The following COMMD9 variants were observed in gnomAD, a reference collection of about 807,000 sequenced individuals.
COMMD9 encodes the protein COMM domain-containing protein 9.
In COMMD9, 22 loss-of-function variants were observed where a neutral mutation model predicts 23.4. The ratio of observed to expected loss-of-function variants is 0.94; its 90% CI spans 0.67 to 1.34. The LOEUF (loss-of-function observed/expected upper bound fraction) is 1.34, where lower values mean the gene tolerates loss of function less well. Ranked by LOEUF, COMMD9 falls within the 40% of genes most tolerant of loss-of-function variation. COMMD9 has a pLI of 0.00. For synonymous variants in COMMD9, 99 were observed against 97.4 expected (o/e 1.02, Z -0.10); for missense variants, 231 against 240.2 (o/e 0.96, Z 0.25).
At chr11:36,274,826 T>C in intron 5 of COMMD9, 54 bp from the exon 6 acceptor site, 1 of 1,604,868 alleles carries the variant, frequency 6.2e-7, no homozygotes, top group Non-Finnish European at 8.5e-7. Context: ...CCCATATCCC[T>C]GTAAGTGAGC....
At chr11:36,276,002 C>A (rs1001667241) in intron 5 of COMMD9, 135 bp downstream of exon 5, 1 of 638,792 alleles carries the variant, frequency 1.6e-6, no homozygotes, top group Admixed American at 2.6e-5. Flanking sequence ...CACGTTGTAA[C>A]TAAACAAAGG....
At chr11:36,274,910 C>G (rs1251444783) in intron 5 of COMMD9, 138 bp from the exon 6 acceptor site, 7 of 1,033,320 alleles carry the variant, frequency 6.8e-6, no homozygotes, top group Non-Finnish European at 9.8e-6. Context: ...CTAGAGAGTA[C>G]CAGCCCTTGG....
intron 1 of COMMD9, among the ~76,000 whole-genome samples, chr11:36,288,865 A>G (rs1221169616): frequency 3.3e-5 from 5 of 152,142 alleles, no homozygotes. Context: ...TCAACCTCAC[A>G]ACTTTTCAAA....
Position 36,274,229 on chromosome 11 carries a change from G to T in COMMD9, c.*403C>A. On this transcript the variant is annotated 3_prime_UTR_variant, in exon 6 of 6. Coordinates refer to ENST00000263401, the MANE Select transcript of COMMD9 (RefSeq NM_014186.4). ...GTCCGATTCCCTCCATGTGTTCTGG[G>T]ATTGGAAATGAACTAATTAGAGCTA... 2.2e-6 allele frequency: 1 copy of T among 459,402 alleles called. No homozygotes were observed. The highest frequency in any genetic ancestry group is 1.5e-5 in the South Asian group (1 of 64,584). 28.5% of individuals were successfully genotyped at this position (459,402 alleles called of 1,614,324 possible).
At chr11:36,286,410 A>AAAAAAAAAAAAAAAAAG (rs1285648187) in intron 1 of COMMD9, among the ~76,000 whole-genome samples, 4 of 104,818 alleles carry the variant, frequency 3.8e-5, no homozygotes, top group Non-Finnish European at 7.3e-5. Context: ...AAAAAAAAAA[A>AAAAAAAAAAAAAAAAAG]AAAGAAAGAA....
intron 2 of COMMD9, among the ~76,000 whole-genome samples, chr11:36,280,420 C>T (rs1270179430): frequency 6.6e-6 from 1 of 152,140 alleles, no homozygotes; most frequent in Non-Finnish European, 1.5e-5. Flanking sequence ...AAAAGTCTGC[C>T]CTAAGCTATC....
At position 36,287,065 on chromosome 11, in the gene COMMD9, T is replaced by C. The variant is rs549487168; in HGVS notation, c.51+2297A>G. Among the ~76,000 whole-genome samples, 16 of 150,802 alleles carry C rather than the reference T, an allele frequency of 1.1e-4. 1 individual carries two copies. The highest frequency in any genetic ancestry group is 3.6e-4 in the African/African-American group (15 of 41,124). On this transcript the variant is annotated intron_variant, in intron 1 of 5. Transcript: ENST00000263401. ...TGCTATATATGTATACTACATACTA[T>C]GTATATCGCGTAGTATGTATACTAC... is the stretch of plus-strand genomic sequence containing the variant.
rs1855932540 is a variant in COMMD9 at position 36,274,356 on chromosome 11, C to T, written c.*276G>A. ...GCTGACGATGCAAATGTTCCCTCAC[C>T]CTGCCATGGTGGTAATTAAGTTGCA... is the stretch of plus-strand genomic sequence containing the variant. On this transcript the variant is annotated 3_prime_UTR_variant, in exon 6 of 6. Coordinates refer to ENST00000263401, the MANE Select transcript of COMMD9 (RefSeq NM_014186.4). 1 of 648,148 alleles carries T rather than the reference C, an allele frequency of 1.5e-6. No homozygotes were observed. Among genetic ancestry groups the T allele is most frequent in the Admixed American group, 2.1e-5 (1 of 48,222 alleles). The allele number at this position is 648,148 out of a possible 1,614,324, so 40.1% of individuals were successfully genotyped here. A position where few individuals can be genotyped will look rare whatever the true frequency, so the allele number is the denominator to read the frequency against.
intron 5 of COMMD9, 125 bp downstream of exon 5, chr11:36,276,012 G>A (rs1855963905): frequency 1.5e-6 from 1 of 656,348 alleles, no homozygotes; most frequent in Non-Finnish European, 2.7e-6. Flanking sequence ...CTAAACAAAG[G>A]AGGATAAAGG....
intron 1 of COMMD9, among the ~76,000 whole-genome samples, chr11:36,284,131 A>G (rs1856112518): frequency 6.6e-6 from 1 of 151,088 alleles, no homozygotes; most frequent in Middle Eastern, 3.2e-3. Context: ...AACAACAACA[A>G]CAACAACAAC....
intron 1 of COMMD9, among the ~76,000 whole-genome samples, chr11:36,284,198 G>A (rs924391937): frequency 5.3e-5 from 8 of 152,068 alleles, no homozygotes; most frequent in African/African-American, 1.9e-4. Context: ...AATGAAAAAA[G>A]ATATATTATG....
chr11:36,277,138 A>C lies in COMMD9; in HGVS notation c.318-15T>G. On this transcript the variant is annotated splice_polypyrimidine_tract_variant and intron_variant, in intron 3 of 5. Transcript: ENST00000263401. ...TCCAAGTAGACCTGTTTAAGAGGGAAAGATGAGGAAAAAATAATGGAAAGG... is the reference window on the plus strand; with the variant it reads ...TCCAAGTAGACCTGTTTAAGAGGGACAGATGAGGAAAAAATAATGGAAAGG... The C allele has an allele frequency of 6.3e-7, 1 of 1,578,536 alleles. No individual in the cohort carries two copies. Among genetic ancestry groups the C allele is most frequent in the East Asian group, 2.3e-5 (1 of 42,806 alleles).
In COMMD9 at chr11:36,274,573, G is replaced by A; in HGVS notation, c.*59C>T. The A allele has an allele frequency of 6.2e-7, 1 of 1,604,208 alleles. No homozygotes were observed. The highest frequency in any genetic ancestry group is 1.1e-5 in the South Asian group (1 of 90,212). On this transcript the variant is annotated 3_prime_UTR_variant, in exon 6 of 6. Transcript: ENST00000263401. ...GCTGCAAGGGCAGCCTGCATATGGGGAGACATTTATCACTCATGAGCAGCT... is the reference window on the plus strand; with the variant it reads ...GCTGCAAGGGCAGCCTGCATATGGGAAGACATTTATCACTCATGAGCAGCT...
At chr11:36,284,899 A>G (rs1193303027) in intron 1 of COMMD9, among the ~76,000 whole-genome samples, 3 of 152,238 alleles carry the variant, frequency 2.0e-5, no homozygotes, top group African/African-American at 7.2e-5. Context: ...GAAATTTTAT[A>G]GTATTAAATG....
chr11:36,284,234 A>G (rs1461316508), intron 1 of COMMD9, among the ~76,000 whole-genome samples: 2 of 152,222 alleles, frequency 1.3e-5, no homozygotes, highest in Admixed American at 1.3e-4. Flanking sequence ...GGAAAGTAAG[A>G]GTGGCTAAAT....
chr11:36,286,575 G>A (rs934514121), intron 1 of COMMD9, among the ~76,000 whole-genome samples: 1 of 151,838 alleles, frequency 6.6e-6, no homozygotes, highest in Non-Finnish European at 1.5e-5. Flanking sequence ...CTGTAGCCTG[G>A]GCCACAGAGC....
chr11:36,278,433 G>A, intron 3 of COMMD9, 44 bp downstream of exon 3: 1 of 1,536,348 alleles, frequency 6.5e-7, no homozygotes, highest in Non-Finnish European at 9.0e-7. Flanking sequence ...AAAATAATAA[G>A]AAATGTAAAA....
intron 2 of COMMD9, among the ~76,000 whole-genome samples, chr11:36,279,447 T>C (rs1474884616): frequency 2.0e-5 from 3 of 152,222 alleles, no homozygotes; most frequent in Non-Finnish European, 4.4e-5. Flanking sequence ...TTCTCTGATA[T>C]CACTGCAGAT....
chr11:36,287,497 G>A (rs374141084), intron 1 of COMMD9, among the ~76,000 whole-genome samples: 3 of 148,820 alleles, frequency 2.0e-5, no homozygotes, highest in South Asian at 2.1e-4. Context: ...GTATAGTTCC[G>A]CAGAATCCTG....
Sources: gnomAD v4.1 joint callset for allele counts (sites outside exome capture counted in the v4.1 genomes callset) on GRCh38, gnomAD v4.1.1 for gene constraint, MANE v1.5 for transcripts, NCBI Gene and HGNC (gene_info 2026-07-23, HGNC 2026-07-21) for gene names.